Variants in TLN2 observed in about 807,000 individuals in gnomAD.
TLN2 encodes the protein talin-2.
In TLN2, 118 loss-of-function variants were observed where a neutral mutation model predicts 294.7. The observed-to-expected ratio is 0.40, with a 90% confidence interval of 0.34 to 0.47. The LOEUF (loss-of-function observed/expected upper bound fraction) is 0.47. Ranked by LOEUF, TLN2 falls within the 20% of genes least tolerant of loss-of-function variation. TLN2 has a pLI of 0.84. For missense variants in TLN2, 3,083 were observed against 3,282.2 expected (o/e 0.94, Z 1.48); for synonymous variants, 1,431 against 1,304.5 (o/e 1.10, Z -2.09).
At chr15:62,498,173 AAG>A (rs1555418190) in intron 1 of TLN2, among the ~76,000 whole-genome samples, 210 of 150,254 alleles carry the variant, frequency 1.4e-3, no homozygotes, top group African/African-American at 4.8e-3. Flanking sequence ...AAAAAAAAAA[AAG>A]AAAAAAAAGT....
chr15:62,644,102 C>T (rs2051513880), intron 3 of TLN2, among the ~76,000 whole-genome samples: 1 of 152,042 alleles, frequency 6.6e-6, no homozygotes, highest in Non-Finnish European at 1.5e-5. Context: ...CTGGGCCACC[C>T]CTCTCTTCCA....
At chr15:62,814,862 G>T (rs2066971153) in intron 52 of TLN2, among the ~76,000 whole-genome samples, 1 of 152,162 alleles carries the variant, frequency 6.6e-6, no homozygotes, top group African/African-American at 2.4e-5. Context: ...TTAAAATAAG[G>T]ATAAGAAAGA....
chr15:62,726,092 G>C (rs995093266), intron 27 of TLN2, among the ~76,000 whole-genome samples: 4 of 132,814 alleles, frequency 3.0e-5, no homozygotes, highest in African/African-American at 1.1e-4. Flanking sequence ...AAGTGGTCCG[G>C]AAGTCTCTTT....
At chr15:62,640,699 C>A (rs913820495) in intron 3 of TLN2, among the ~76,000 whole-genome samples, 1 of 152,216 alleles carries the variant, frequency 6.6e-6, no homozygotes, top group African/African-American at 2.4e-5. Context: ...CACACACACT[C>A]AGCCTCACAG....
rs375098264 is a variant in TLN2 at position 62,716,452 on chromosome 15, G to A, written c.2756G>A (p.Arg919Gln). Residue 919 changes from arginine (R) to glutamine (Q), a missense_variant, in exon 23 of 59, where the codon CGA becomes CAA. Transcript: ENST00000636159. ...QNAIKKKIVNRLEVAAKQAAA... is the reference protein window; with the variant it reads ...QNAIKKKIVNQLEVAAKQAAA... ...GCTATTAAGAAAAAAATTGTCAACC[G>A]ACTGGAGGTAAGGAAAGAGGCTGCC... The A allele has an allele frequency of 6.2e-6, 10 of 1,601,614 alleles. No homozygotes were observed. Among genetic ancestry groups the A allele is most frequent in the Non-Finnish European group, 7.7e-6 (9 of 1,175,178 alleles).
At chr15:62,492,178 G>A (rs1356674576) in intron 1 of TLN2, among the ~76,000 whole-genome samples, 2 of 152,044 alleles carry the variant, frequency 1.3e-5, no homozygotes, top group Admixed American at 6.5e-5. Flanking sequence ...CTGGCCGGAC[G>A]CGGTGGCTCA....
At chr15:62,781,734 A>T (rs1432044827) in intron 44 of TLN2, among the ~76,000 whole-genome samples, 1 of 152,178 alleles carries the variant, frequency 6.6e-6, no homozygotes, top group Non-Finnish European at 1.5e-5. Flanking sequence ...AAAATGAAAC[A>T]GTATGGTTAT....
intron 2 of TLN2, among the ~76,000 whole-genome samples, chr15:62,616,315 C>T (rs2048313216): frequency 1.3e-5 from 2 of 152,172 alleles, no homozygotes; most frequent in Admixed American, 1.3e-4. Context: ...TTTATTTGTC[C>T]TGTAGAGCCC....
chr15:62,695,347 T>C (rs2058251798), intron 14 of TLN2, among the ~76,000 whole-genome samples: 1 of 152,188 alleles, frequency 6.6e-6, no homozygotes, highest in South Asian at 2.1e-4. Context: ...GGTCTAGCGA[T>C]GGGGACAATC....
At position 62,736,996 on chromosome 15, in the gene TLN2, C is replaced by G. The variant is rs148050152; in HGVS notation, c.3477C>G (p.Asp1159Glu). The G allele has an allele frequency of 9.3e-6, 15 of 1,614,084 alleles. No homozygotes were observed. The highest frequency in any genetic ancestry group is 6.6e-5 in the South Asian group (6 of 91,086). The change falls in exon 29 of 59, where the codon GAC becomes GAG. Residue 1159 changes from aspartate (D) to glutamate (E), a missense_variant. By Grantham distance (45) the Asp-to-Glu change is conservative (BLOSUM62 2). Coordinates refer to ENST00000636159, the MANE Select transcript of TLN2 (RefSeq NM_015059.3). ...ATGCCATGTTAGATTCTGCTCGAGA[C>G]GTGATGGAGGGCTCCGCCATGCTCA... ...AAHAMLDSAR[D>E]VMEGSAMLIQ...
At chr15:62,490,201 T>A (rs1178168372) in intron 1 of TLN2, among the ~76,000 whole-genome samples, 4 of 152,076 alleles carry the variant, frequency 2.6e-5, no homozygotes, top group African/African-American at 7.3e-5. Context: ...ATAGCTAACA[T>A]CATGCGATAG....
At chr15:62,816,957 GGAACTTAAAAAAT>G (rs1489752273) in intron 52 of TLN2, among the ~76,000 whole-genome samples, 3 of 152,024 alleles carry the variant, frequency 2.0e-5, no homozygotes, top group Non-Finnish European at 4.4e-5. Context: ...AGTCACCCAG[GGAACTTAAAAAAT>G]TCTTATGCCC....
intron 29 of TLN2, 112 bp from the exon 30 acceptor site, chr15:62,738,102 C>A: frequency 2.4e-6 from 3 of 1,238,764 alleles, no homozygotes; most frequent in Non-Finnish European, 3.4e-6. Flanking sequence ...CAGGTGGATG[C>A]TGGTGGGTCA....
At chr15:62,561,482 G>C in intron 1 of TLN2, 1 of 152,248 alleles carries the variant, frequency 6.6e-6, no homozygotes, top group East Asian at 1.9e-4. Context: ...CCATTTTACA[G>C]GTGAGTTTAC....
chr15:62,451,650 C>T (rs1241178776), intron 1 of TLN2, among the ~76,000 whole-genome samples: 4 of 152,004 alleles, frequency 2.6e-5, no homozygotes, highest in Non-Finnish European at 2.9e-5. Flanking sequence ...AGTGAGACTC[C>T]GTCTCAAAAA....
chr15:62,775,020 G>A (rs182554514), intron 42 of TLN2, among the ~76,000 whole-genome samples: 4 of 147,154 alleles, frequency 2.7e-5, no homozygotes, highest in South Asian at 4.4e-4. Flanking sequence ...GCAGTGGGGC[G>A]ATCTCAGCTC....
intron 1 of TLN2, among the ~76,000 whole-genome samples, chr15:62,450,535 ATGTATGTATGTATG>A (rs1194060130): frequency 3.5e-5 from 2 of 57,230 alleles, no homozygotes; most frequent in African/African-American, 1.0e-4. Flanking sequence ...GTATGTATGT[ATGTATGTATGTATG>A]TGTGTGTGTG....
At chr15:62,391,720 C>A (rs2032102397) in intron 1 of TLN2, among the ~76,000 whole-genome samples, 1 of 152,218 alleles carries the variant, frequency 6.6e-6, no homozygotes, top group Non-Finnish European at 1.5e-5. Context: ...GACTACAGCG[C>A]GTCGCCACGC....
intron 57 of TLN2, 89 bp downstream of exon 57, chr15:62,836,162 C>G (rs567980500): frequency 2.0e-6 from 3 of 1,509,182 alleles, no homozygotes; most frequent in East Asian, 2.5e-5. Context: ...CTTGGCATGA[C>G]CCACCAGGCC....
Sources: gnomAD v4.1 joint callset for allele counts (sites outside exome capture counted in the v4.1 genomes callset) on GRCh38, gnomAD v4.1.1 for gene constraint, MANE v1.5 for transcripts, NCBI Gene and HGNC (gene_info 2026-07-23, HGNC 2026-07-21) for gene names.